PIGG: variants seen among roughly 807,000 people sequenced by gnomAD.
PIGG encodes phosphatidylinositol glycan anchor biosynthesis class G (EMM blood group).
PIGG carries 70 observed loss-of-function variants against 83.2 expected under a neutral mutation model. The observed-to-expected ratio is 0.84, with a 90% CI of 0.69 to 1.03. The LOEUF is 1.03. PIGG is among the 50% of genes least tolerant of loss of function. The pLI is 0.00. For missense variants in PIGG, 1,257 were observed against 1,233.6 expected (o/e 1.02, Z -0.28); for synonymous variants, 532 against 519.5 (o/e 1.02, Z -0.33).
Position 499,278 on chromosome 4 carries a change from T to C in PIGG, c.-58T>C. On this transcript the variant is annotated 5_prime_UTR_variant, in exon 1 of 13. Transcript: ENST00000453061. ...GGCTACCTGGAGCCGGAAGCGCGGCTGCAGCAGGGCGAGGCTCCAGGTGGG... is the reference window on the plus strand; with the variant it reads ...GGCTACCTGGAGCCGGAAGCGCGGCCGCAGCAGGGCGAGGCTCCAGGTGGG... The C allele has an allele frequency of 3.8e-6, 6 of 1,572,500 alleles. No individual in the cohort carries two copies. Among genetic ancestry groups the C allele is most frequent in the Non-Finnish European group, 5.2e-6 (6 of 1,163,124 alleles).
intron 10 of PIGG, among the ~76,000 whole-genome samples, 184 bp from the exon 11 acceptor site, chr4:530,252 C>T (rs751116631): frequency 6.6e-6 from 1 of 152,082 alleles, no homozygotes; most frequent in Non-Finnish European, 1.5e-5. Context: ...GGCTGCTGTG[C>T]GGAGGAGACA....
Position 523,577 on chromosome 4 carries a change from GGTACTTCCTTGTGAACACCCTGT to G in PIGG, c.1736_1758del (p.Tyr579SerfsTer16). On this transcript the variant is annotated frameshift_variant, in exon 9 of 13. Transcript: ENST00000453061. LOFTEE classifies it high-confidence loss of function. ...TTCGTGGAGGAGGAGCACCAGACCT[GGTACTTCCTTGTGAACACCCTGT>G]GTCTAGCTCTGAGCCAAGAAACCTA... is the stretch of plus-strand genomic sequence containing the variant. The G allele has an allele frequency of 2.5e-6, 4 of 1,614,066 alleles. No homozygotes were observed. The highest frequency in any genetic ancestry group is 3.4e-6 in the Non-Finnish European group (4 of 1,179,960).
At chr4:502,031 C>T (rs1553876191) in intron 2 of PIGG, 1 of 152,230 alleles carries the variant, frequency 6.6e-6, no homozygotes, top group Non-Finnish European at 1.5e-5. Context: ...GGAAGAAAGA[C>T]ATCCAGCCCC....
intron 3 of PIGG, 75 bp downstream of exon 3, chr4:506,002 T>A: frequency 1.0e-6 from 1 of 954,856 alleles, no homozygotes; most frequent in Non-Finnish European, 1.6e-6. Flanking sequence ...CATTACTTAG[T>A]GAGAGATGAT....
Position 524,314 on chromosome 4 carries a change from C to A in PIGG, c.2069+401C>A, listed in dbSNP as rs187799118. 1.5e-4 allele frequency among the ~76,000 whole-genome samples: 23 copies of A among 152,336 alleles called. No homozygotes were observed. The East Asian group carries it at 4.4e-3, about 29-fold the overall frequency. On this transcript the variant is annotated intron_variant, in intron 9 of 12. Coordinates refer to ENST00000453061, the MANE Select transcript of PIGG (RefSeq NM_001127178.3). Reference sequence around the variant, plus strand: ...CAGTGTCTGCCTGTGTCAGGCCATTCGTGTGTTGCTATAAAGAAACACCTG... The same window carrying A: ...CAGTGTCTGCCTGTGTCAGGCCATTAGTGTGTTGCTATAAAGAAACACCTG...
intron 12 of PIGG, chr4:536,196 C>T (rs978501770): frequency 2.0e-5 from 3 of 152,328 alleles, no homozygotes; most frequent in Non-Finnish European, 4.4e-5. Flanking sequence ...TCACAGGTTT[C>T]CGTAAGGGGT....
intron 5 of PIGG, among the ~76,000 whole-genome samples, chr4:512,042 T>C (rs1314307089): frequency 2.6e-5 from 4 of 152,166 alleles, no homozygotes; most frequent in Non-Finnish European, 4.4e-5. Context: ...CAACTTGGAG[T>C]TCATTGAGCT....
chr4:539,376 C>T lies in PIGG; in HGVS notation c.*7C>T. On this transcript the variant is annotated 3_prime_UTR_variant, in exon 13 of 13. Coordinates refer to ENST00000453061, the MANE Select transcript of PIGG (RefSeq NM_001127178.3). ...CAGACTCACACAGTCTTAGACTAAG[C>T]TGAACACTGGAAAAATAATACATGC... 1 of 1,522,750 alleles carries T rather than the reference C, an allele frequency of 6.6e-7. No individual in the cohort carries two copies. Among genetic ancestry groups the T allele is most frequent in the Non-Finnish European group, 9.1e-7 (1 of 1,100,904 alleles). 94.3% of individuals were successfully genotyped at this position (1,522,750 alleles called of 1,614,324 possible).
At chr4:514,126 C>G (rs1430639815) in intron 5 of PIGG, among the ~76,000 whole-genome samples, 1 of 152,148 alleles carries the variant, frequency 6.6e-6, no homozygotes, top group Non-Finnish European at 1.5e-5. Context: ...TATAATAAAC[C>G]CCCAAGTCCA....
chr4:513,517 T>C (rs1052387711), intron 5 of PIGG, among the ~76,000 whole-genome samples: 1 of 152,146 alleles, frequency 6.6e-6, no homozygotes, highest in African/African-American at 2.4e-5. Context: ...TACCTGGACT[T>C]CCACAGAGGG....
intron 6 of PIGG, among the ~76,000 whole-genome samples, chr4:516,606 C>T (rs1401157194): frequency 6.6e-6 from 1 of 151,976 alleles, no homozygotes; most frequent in Admixed American, 6.6e-5. Context: ...GCCTGTAATC[C>T]CAGCACTTTG....
rs749071064 is a variant in PIGG, at chr4:530,729, C to T, written c.2555C>T (p.Ala852Val). 6.2e-6 allele frequency: 10 copies of T among 1,606,726 alleles called. No homozygotes were observed. Among genetic ancestry groups the T allele is most frequent in the East Asian group, 2.2e-5 (1 of 44,750 alleles). Residue 852 changes from alanine to valine, a missense_variant, in exon 11 of 13, where the codon GCA (alanine) becomes GTA (valine). Coordinates refer to ENST00000453061, the MANE Select transcript of PIGG (RefSeq NM_001127178.3). ...ITVMHYWFGQ[A>V]FFYFQGNSNN... Reference sequence around the variant, plus strand: ...GTGATGCATTATTGGTTTGGTCAAGCATTCTTCTATTTTCAGGTAGGTTTT... The same window carrying T: ...GTGATGCATTATTGGTTTGGTCAAGTATTCTTCTATTTTCAGGTAGGTTTT...
chr4:531,234 G>A, intron 11 of PIGG: 1 of 132,214 alleles, frequency 7.6e-6, no homozygotes, highest in Admixed American at 7.2e-5. Context: ...AGACATAGAG[G>A]GACAGGCAGA....
chr4:523,680 A>G lies in PIGG; in HGVS notation c.1836A>G (p.Glu612=), dbSNP rs1009609976. The change falls in exon 9 of 13, where the codon GAA becomes GAG. Residue 612 remains glutamate, a synonymous_variant. Coordinates refer to ENST00000453061, the MANE Select transcript of PIGG (RefSeq NM_001127178.3). Reference sequence around the variant, plus strand: ...AGCCTCCGTGTGGCCTCTGTGTGGAACAAGGGCATGACGGGGCCACAGCAG... The same window carrying G: ...AGCCTCCGTGTGGCCTCTGTGTGGAGCAAGGGCATGACGGGGCCACAGCAG... ...DGEPPCGLCV[E]QGHDGATAAW... 1 of 1,614,098 alleles carries G rather than the reference A, an allele frequency of 6.2e-7. No individual in the cohort carries two copies. Among genetic ancestry groups the G allele is most frequent in the Non-Finnish European group, 8.5e-7 (1 of 1,180,040 alleles).
intron 10 of PIGG, among the ~76,000 whole-genome samples, chr4:530,232 G>A (rs1232186002): frequency 6.6e-5 from 10 of 152,124 alleles, no homozygotes; most frequent in Non-Finnish European, 1.0e-4. Flanking sequence ...CTGTGGCGGC[G>A]GCTCCTCAGG....
intron 12 of PIGG, among the ~76,000 whole-genome samples, chr4:535,723 C>T (rs992270475): frequency 2.6e-5 from 4 of 152,006 alleles, no homozygotes; most frequent in African/African-American, 7.2e-5. Flanking sequence ...GCCGAGCTGC[C>T]GGCGACTCCA....
At position 525,370 on chromosome 4, in the gene PIGG, A is replaced by C. The variant is rs543862514; in HGVS notation, c.2069+1457A>C. On this transcript the variant is annotated intron_variant, in intron 9 of 12. Transcript: ENST00000453061. ...AAGACTTAGGAAACTAAAGCAAAAGAAGCAGCACAATGAGAGCATCTGCGG... is the reference window on the plus strand; with the variant it reads ...AAGACTTAGGAAACTAAAGCAAAAGCAGCAGCACAATGAGAGCATCTGCGG... 63 of 985,352 alleles carry C rather than the reference A, an allele frequency of 6.4e-5. No homozygotes were observed. The African/African-American group carries it at 7.5e-4, about 12-fold the overall frequency. 61.0% of individuals were successfully genotyped at this position (985,352 alleles called of 1,614,324 possible). A position where few individuals can be genotyped will look rare whatever the true frequency, so the allele number is the denominator to read the frequency against.
At chr4:517,565 C>T (rs1016767588) in intron 6 of PIGG, among the ~76,000 whole-genome samples, 4 of 152,028 alleles carry the variant, frequency 2.6e-5, no homozygotes, top group Admixed American at 6.5e-5. Flanking sequence ...TGGGCAGCTG[C>T]GTCAAAGGTT....
At chr4:503,149 G>C (rs1457307479) in intron 2 of PIGG, among the ~76,000 whole-genome samples, 1 of 152,130 alleles carries the variant, frequency 6.6e-6, no homozygotes, top group African/African-American at 2.4e-5. Flanking sequence ...AGGTGAACAG[G>C]TGCTCTTGAA....
Sources: allele counts gnomAD v4.1 joint callset (sites outside exome capture counted in the v4.1 genomes callset), GRCh38; gene constraint gnomAD v4.1.1; transcripts MANE v1.5; gene names NCBI Gene and HGNC (gene_info 2026-07-23, HGNC 2026-07-21).